The following WLS variants were observed in gnomAD, a reference collection of about 807,000 sequenced individuals.
WLS encodes protein wntless homolog.
Under a neutral mutation model 62.8 loss-of-function variants are expected in WLS, and 23 were observed. The ratio of observed to expected loss-of-function variants is 0.37; its 90% CI spans 0.26 to 0.52. The LOEUF is 0.52. WLS is among the 20% of genes least tolerant of loss of function. The probability of loss-of-function intolerance (pLI) is 0.92; values close to 1 mark genes in which losing one functional copy is unlikely to be tolerated. For synonymous variants in WLS, 246 were observed against 244.1 expected (o/e 1.01, Z -0.07); for missense variants, 615 against 697.3 (o/e 0.88, Z 1.33).
intron 2 of WLS, chr1:68,161,724 ATC>A: frequency 6.8e-7 from 1 of 1,460,084 alleles, no homozygotes; most frequent in Non-Finnish European, 9.5e-7. Context: ...TCCCAAATGT[ATC>A]TGAATGATTA....
chr1:68,103,803 C>T (rs1340142731), intron 11 of WLS, among the ~76,000 whole-genome samples: 1 of 152,188 alleles, frequency 6.6e-6, no homozygotes, highest in African/African-American at 2.4e-5. Flanking sequence ...CACCCACATG[C>T]TGCTTGGGCA....
At position 68,119,188 on chromosome 1, in the gene WLS, A is replaced by C. The variant is rs1206382174; in HGVS notation, c.1510+18592T>G. On this transcript the variant is annotated intron_variant, in intron 11 of 11. Transcript: ENST00000354777. Reference sequence around the variant, plus strand: ...AATAACATAGAAAGATTTCCTAGATATATTTTGAAAAGGGCAGGTTATATA... The same window carrying C: ...AATAACATAGAAAGATTTCCTAGATCTATTTTGAAAAGGGCAGGTTATATA... 4.6e-5 allele frequency among the ~76,000 whole-genome samples: 7 copies of C among 152,276 alleles called. No individual in the cohort carries two copies. In the East Asian group the frequency reaches 1.4e-3, roughly 29 times the overall value.
At chr1:68,106,934 T>C (rs1646155414) in intron 11 of WLS, among the ~76,000 whole-genome samples, 1 of 152,230 alleles carries the variant, frequency 6.6e-6, no homozygotes, top group Non-Finnish European at 1.5e-5. Context: ...ATGTATACCT[T>C]ACTGAAACCA....
intron 1 of WLS, among the ~76,000 whole-genome samples, chr1:68,208,842 G>A (rs1267428638): frequency 1.3e-5 from 2 of 152,168 alleles, no homozygotes; most frequent in Non-Finnish European, 2.9e-5. Context: ...AGGAGTGTGG[G>A]TCTAGAATGC....
chr1:68,159,700 C>T (rs1431719550), intron 2 of WLS, among the ~76,000 whole-genome samples: 1 of 152,210 alleles, frequency 6.6e-6, no homozygotes, highest in African/African-American at 2.4e-5. Context: ...TTTTCAACCA[C>T]CTCTCAGACA....
rs114331303 is a variant in WLS at position 68,104,866 on chromosome 1, G to A, written c.1511-6113C>T. ...ACCTGGGAGGCCAAGGATGCAGGTA[G>A]CCATGATCGTGCCTCTGCACTACAA... On this transcript the variant is annotated intron_variant, in intron 11 of 11. Coordinates refer to the WLS transcript ENST00000354777. 8.2e-3 allele frequency among the ~76,000 whole-genome samples: 1,245 copies of A among 152,336 alleles called. 7 individuals carry two copies. The highest frequency in any genetic ancestry group is 0.013 in the Non-Finnish European group (888 of 68,032).
At chr1:68,171,563 A>G (rs1161307765) in intron 2 of WLS, among the ~76,000 whole-genome samples, 1 of 152,250 alleles carries the variant, frequency 6.6e-6, no homozygotes, top group Non-Finnish European at 1.5e-5. Context: ...CGTGAAAAAA[A>G]GCTCATCATC....
In WLS at chr1:68,150,318, T is replaced by G. The variant is rs1327555345; in HGVS notation, c.842A>C (p.Asn281Thr). The stretch of plus-strand genomic sequence containing the variant: ...GATGGAAAACCATTCCACTGGGATA[T>G]TGATAAAGGTCATGGAAATCCCAAG... ...FALGISMTFINIPVEWFSIGF... is the reference protein window; with the variant it reads ...FALGISMTFITIPVEWFSIGF... The change falls in exon 6 of 12, where the codon AAT becomes ACT. Residue 281 changes from asparagine to threonine, a missense_variant. Asn to Thr is a moderately conservative substitution (Grantham distance 65, BLOSUM62 0). Coordinates refer to ENST00000262348, the MANE Select transcript of WLS (RefSeq NM_024911.7). 6.2e-7 allele frequency: 1 copy of G among 1,614,192 alleles called. No individual in the cohort carries two copies. Among genetic ancestry groups the G allele is most frequent in the Admixed American group, 1.7e-5 (1 of 60,030 alleles).
chr1:68,227,476 T>C (rs1650208820), intron 1 of WLS, among the ~76,000 whole-genome samples: 1 of 150,282 alleles, frequency 6.7e-6, no homozygotes. Flanking sequence ...AAGAACCAAA[T>C]AGTTAAGTTT....
chr1:68,129,061 A>T (rs1194259583), intron 11 of WLS, among the ~76,000 whole-genome samples: 1 of 152,176 alleles, frequency 6.6e-6, no homozygotes, highest in Non-Finnish European at 1.5e-5. Flanking sequence ...GCGGTGGCTC[A>T]CATCTGTAAT....
intron 11 of WLS, among the ~76,000 whole-genome samples, chr1:68,106,726 G>A (rs1197318085): frequency 2.5e-5 from 2 of 79,028 alleles, no homozygotes; most frequent in African/African-American, 4.4e-5. Flanking sequence ...CTGTGTGTGT[G>A]TGTGTGTGTG....
chr1:68,158,495 AG>A lies in WLS; in HGVS notation c.504+627del, dbSNP rs751391237. On this transcript the variant is annotated intron_variant, in intron 3 of 11. Transcript: ENST00000262348. ...CCTACGTCATTGTATCATCTAGTCC[AG>A]GGGTGTCCAATCTTTTGGCTTCTCT... Among the ~76,000 whole-genome samples, 105 of 152,278 alleles carry A rather than the reference AG, an allele frequency of 6.9e-4. 1 individual carries two copies. Among genetic ancestry groups the A allele is most frequent in the Admixed American group, 5.0e-3 (77 of 15,300 alleles).
chr1:68,100,331 G>T (rs2100284916), intron 11 of WLS, among the ~76,000 whole-genome samples: 1 of 152,192 alleles, frequency 6.6e-6, no homozygotes, highest in Non-Finnish European at 1.5e-5. Context: ...GCAGCCTATT[G>T]TCTCTCCTTC....
downstream of WLS, among the ~76,000 whole-genome samples, chr1:68,121,822 C>T (rs773668586): frequency 4.6e-5 from 7 of 152,138 alleles, no homozygotes; most frequent in African/African-American, 1.2e-4. Context: ...ACTCTCTCAC[C>T]GACTCTTCCT....
At chr1:68,147,025 A>G (rs2100455425) in intron 8 of WLS, among the ~76,000 whole-genome samples, 1 of 152,310 alleles carries the variant, frequency 6.6e-6, no homozygotes, top group East Asian at 1.9e-4. Context: ...AGCTGGGATT[A>G]CAGGGATAAG....
intron 5 of WLS, among the ~76,000 whole-genome samples, chr1:68,151,596 GAGC>G (rs1159188666): frequency 1.3e-5 from 2 of 151,980 alleles, no homozygotes; most frequent in Non-Finnish European, 2.9e-5. Flanking sequence ...AATGAAGAAT[GAGC>G]ATCATGAAAA....
intron 11 of WLS, among the ~76,000 whole-genome samples, chr1:68,101,306 C>CTAT (rs372414383): frequency 0.056 from 8,516 of 151,608 alleles, 652 homozygotes; most frequent in African/African-American, 0.17. Flanking sequence ...ATCATATTTG[C>CTAT]TATTATTATT....
rs2100376407 is a variant in WLS at position 68,126,031 on chromosome 1, G to A, written c.*195C>T. 1.4e-6 allele frequency: 2 copies of A among 1,426,248 alleles called. No individual in the cohort carries two copies. The highest frequency in any genetic ancestry group is 5.1e-5 in the East Asian group (2 of 39,042). 88.3% of individuals were successfully genotyped at this position (1,426,248 alleles called of 1,614,324 possible). A position where few individuals can be genotyped will look rare whatever the true frequency, so the allele number is the denominator to read the frequency against. ...TTTTGTTATCATACACAATGCATTA[G>A]TGGCTGCAGGAATCTTCCTCCAAAA... On this transcript the variant is annotated 3_prime_UTR_variant, in exon 12 of 12. Coordinates refer to ENST00000262348, the MANE Select transcript of WLS (RefSeq NM_024911.7).
chr1:68,129,273 C>G (rs112169047), intron 11 of WLS, among the ~76,000 whole-genome samples: 4,929 of 152,258 alleles, frequency 0.032, 109 homozygotes, highest in African/African-American at 0.059. Context: ...TGCATTAAGT[C>G]AAGATCGTGC....
Sources: allele counts gnomAD v4.1 joint callset (sites outside exome capture counted in the v4.1 genomes callset), GRCh38; gene constraint gnomAD v4.1.1; transcripts MANE v1.5; gene names NCBI Gene and HGNC (gene_info 2026-07-23, HGNC 2026-07-21).